The following ALDH2 variants were observed in gnomAD, a reference collection of about 807,000 sequenced individuals.
ALDH2 encodes the protein aldehyde dehydrogenase, mitochondrial.
In ALDH2, 44 loss-of-function variants were observed where a neutral mutation model predicts 59.6. The ratio of observed to expected loss-of-function variants is 0.74; its 90% CI spans 0.58 to 0.95. The LOEUF is 0.95. Ranked by LOEUF, ALDH2 falls within the 40% of genes least tolerant of loss-of-function variation. The pLI, the probability that ALDH2 is intolerant of heterozygous loss-of-function variation, is 0.00. For missense variants in ALDH2, 570 were observed against 696.3 expected, an observed-to-expected ratio of 0.82 and a Z score of 2.04; for synonymous variants, 291 against 284.0, an observed-to-expected ratio of 1.02 and a Z score of -0.25.
intron 1 of ALDH2, among the ~76,000 whole-genome samples, chr12:111,772,109 C>T (rs1406025988): frequency 2.0e-5 from 3 of 151,726 alleles, no homozygotes; most frequent in East Asian, 1.9e-4. Flanking sequence ...AAAAAAAACT[C>T]CCCAAAAAAC....
chr12:111,811,432 C>T lies in ALDH2; in HGVS notation c.*1857C>T, dbSNP rs945454672. The T allele has an allele frequency of 6.6e-6, 1 of 151,978 alleles. No homozygotes were observed. Among genetic ancestry groups the T allele is most frequent in the Non-Finnish European group, 1.5e-5 (1 of 68,004 alleles). The allele number at this position is 151,978 out of a possible 1,614,324, so 9.4% of individuals were successfully genotyped here. ...GCAGTCTCTACCATCATGTGAAACACCACTCTGTGATTTGAGTCTTGACAA... is the reference window on the plus strand; with the variant it reads ...GCAGTCTCTACCATCATGTGAAACATCACTCTGTGATTTGAGTCTTGACAA... On this transcript the variant is annotated 3_prime_UTR_variant, in exon 13 of 13. Coordinates refer to ENST00000261733, the MANE Select transcript of ALDH2 (RefSeq NM_000690.4).
chr12:111,805,750 C>T (rs538327449), intron 12 of ALDH2, among the ~76,000 whole-genome samples: 4 of 152,264 alleles, frequency 2.6e-5, no homozygotes, highest in South Asian at 2.1e-4. Flanking sequence ...AATGGCCGGG[C>T]GCGGTGGCTC....
rs562200783 is a variant in ALDH2, at chr12:111,812,288, T to C, written c.*2713T>C. The stretch of plus-strand genomic sequence containing the variant: ...GATAACTAATGATTAATGATATTCA[T>C]ATATAATCATGTCTGTGATCTAGAT... On this transcript the variant is annotated 3_prime_UTR_variant, in exon 13 of 13. Transcript: ENST00000261733. 1.3e-5 allele frequency: 2 copies of C among 152,338 alleles called. No individual in the cohort carries two copies. The highest frequency in any genetic ancestry group is 3.9e-4 in the East Asian group (2 of 5,178). 9.4% of individuals were successfully genotyped at this position (152,338 alleles called of 1,614,324 possible).
rs777079274 is a variant in ALDH2 at position 111,799,912 on chromosome 12, G to A, written c.1255G>A (p.Gly419Arg). 8.7e-6 allele frequency: 14 copies of A among 1,613,260 alleles called. No individual in the cohort carries two copies. Among genetic ancestry groups the A allele is most frequent in the East Asian group, 2.2e-5 (1 of 44,890 alleles). ...CGCTGCTCTCTCACTCCAGATCTTC[G>A]GGCCAGTGATGCAGATCCTGAAGTT... is the stretch of plus-strand genomic sequence containing the variant. ...GMTIAKEEIF[G>R]PVMQILKFKT... The change falls in exon 11 of 13, where the codon GGG (glycine) becomes AGG (arginine). Residue 419 changes from glycine to arginine, a missense_variant. Transcript: ENST00000261733.
chr12:111,789,120 C>T (rs2068335657), intron 4 of ALDH2, among the ~76,000 whole-genome samples: 1 of 149,352 alleles, frequency 6.7e-6, no homozygotes, highest in Admixed American at 6.7e-5. Context: ...CAGGTTTAAG[C>T]CATTCTTCTG....
At position 111,767,420 on chromosome 12, in the gene ALDH2, C is replaced by A. The variant is rs116026068; in HGVS notation, c.114+324C>A. On this transcript the variant is annotated intron_variant, in intron 1 of 12. Coordinates refer to ENST00000261733, the MANE Select transcript of ALDH2 (RefSeq NM_000690.4). Reference sequence around the variant, plus strand: ...TTTCGGGTCTCCGCAGGGTCCCCACCCTCACCCACTCAGAAGACGCGACCA... The same window carrying A: ...TTTCGGGTCTCCGCAGGGTCCCCACACTCACCCACTCAGAAGACGCGACCA... Among the ~76,000 whole-genome samples the A allele has an allele frequency of 4.8e-3, 732 of 152,322 alleles. 9 individuals are homozygous for A. Among genetic ancestry groups the A allele is most frequent in the African/African-American group, 0.016 (674 of 41,562 alleles).
intron 11 of ALDH2, among the ~76,000 whole-genome samples, chr12:111,802,268 C>T (rs143578304): frequency 1.2e-3 from 178 of 151,986 alleles, no homozygotes; most frequent in East Asian, 7.0e-3. Flanking sequence ...ACAAATTAGA[C>T]GGGTGTGGTG....
At position 111,813,329 on chromosome 12, in the gene ALDH2, A is replaced by G. The variant is rs1223954840; in HGVS notation, c.*3754A>G. On this transcript the variant is annotated 3_prime_UTR_variant, in exon 13 of 13. Coordinates refer to ENST00000261733, the MANE Select transcript of ALDH2 (RefSeq NM_000690.4). ...GTGGGCGCCACCTTGTGGGACATACATTGAACTACGACGCTATTTCTCCAA... is the reference window on the plus strand; with the variant it reads ...GTGGGCGCCACCTTGTGGGACATACGTTGAACTACGACGCTATTTCTCCAA... The G allele has an allele frequency of 2.6e-5, 4 of 152,188 alleles. No homozygotes were observed. Among genetic ancestry groups the G allele is most frequent in the African/African-American group, 4.8e-5 (2 of 41,424 alleles). The allele number at this position is 152,188 out of a possible 1,614,324, so 9.4% of individuals were successfully genotyped here.
chr12:111,788,441 A>T (rs1448631704), intron 4 of ALDH2, among the ~76,000 whole-genome samples: 1 of 152,214 alleles, frequency 6.6e-6, no homozygotes, highest in Non-Finnish European at 1.5e-5. Context: ...CCAGCCCCAG[A>T]TGTCAGCAGT....
rs1317236307 is a variant in ALDH2 at position 111,817,457 on chromosome 12, T to C, written c.*7882T>C. ...ATAACTGGCAAGATTTACAGGTCAA[T>C]TGGATATTGTTTACCTGGAGCTGGT... is the stretch of plus-strand genomic sequence containing the variant. On this transcript the variant is annotated 3_prime_UTR_variant, in exon 13 of 13. Transcript: ENST00000261733. 1 of 152,206 alleles carries C rather than the reference T, an allele frequency of 6.6e-6. No homozygotes were observed. Among genetic ancestry groups the C allele is most frequent in the Admixed American group, 6.5e-5 (1 of 15,284 alleles). The allele number at this position is 152,206 out of a possible 1,614,324, so 9.4% of individuals were successfully genotyped here. A position where few individuals can be genotyped will look rare whatever the true frequency, so the allele number is the denominator to read the frequency against.
chr12:111,776,597 C>CA (rs2068236998), intron 1 of ALDH2, among the ~76,000 whole-genome samples: 1 of 151,154 alleles, frequency 6.6e-6, no homozygotes. Context: ...CCCATCTCTA[C>CA]AAAAAATACA....
Position 111,791,408 on chromosome 12 carries a change from G to T in ALDH2, c.784G>T (p.Gly262Cys). The T allele has an allele frequency of 6.2e-7, 1 of 1,613,078 alleles. No homozygotes were observed. The highest frequency in any genetic ancestry group is 8.5e-7 in the Non-Finnish European group (1 of 1,179,396). The change falls in exon 7 of 13, where the codon GGC (glycine) becomes TGC (cysteine). Residue 262 changes from glycine (G) to cysteine (C), a missense_variant. By Grantham distance (159) the Gly-to-Cys change is radical (BLOSUM62 -3). Transcript: ENST00000261733. ...HEDVDKVAFTGSTEIGRVIQV... is the reference protein window; with the variant it reads ...HEDVDKVAFTCSTEIGRVIQV... ...GGATGTGGACAAAGTGGCATTCACA[G>T]GCTCCACTGAGGTAAGGTGACCCTG...
At chr12:111,781,896 A>T (rs1194962255) in intron 1 of ALDH2, 22 bp from the exon 2 acceptor site, 1 of 1,592,036 alleles carries the variant, frequency 6.3e-7, no homozygotes, top group Non-Finnish European at 8.6e-7. Flanking sequence ...GGTCCTGAGA[A>T]CTTCTTTCCT....
rs1454209550 is a variant in ALDH2, at chr12:111,813,122, A to G, written c.*3547A>G. 1 of 152,252 alleles carries G rather than the reference A, an allele frequency of 6.6e-6. No homozygotes were observed. Among genetic ancestry groups the G allele is most frequent in the Non-Finnish European group, 1.5e-5 (1 of 68,054 alleles). 9.4% of individuals were successfully genotyped at this position (152,252 alleles called of 1,614,324 possible). ...ACAGGAACCCATTAGAACCTTAAGC[A>G]GCTGTCTGAAGTAAAAACAAAGCTC... On this transcript the variant is annotated 3_prime_UTR_variant, in exon 13 of 13. Coordinates refer to ENST00000261733, the MANE Select transcript of ALDH2 (RefSeq NM_000690.4).
chr12:111,793,154 A>G (rs1028601232), intron 9 of ALDH2, among the ~76,000 whole-genome samples: 2 of 152,168 alleles, frequency 1.3e-5, no homozygotes, highest in African/African-American at 4.8e-5. Context: ...GAGCCATGGT[A>G]TGGCTAGTAT....
intron 8 of ALDH2, 84 bp downstream of exon 8, chr12:111,792,247 C>T (rs1009232330): frequency 1.8e-6 from 2 of 1,084,032 alleles, no homozygotes; most frequent in Non-Finnish European, 2.7e-6. Flanking sequence ...TGTCGCCCCC[C>T]CAGTGCCCAA....
At chr12:111,792,023 G>T in intron 7 of ALDH2, 38 bp from the exon 8 acceptor site, 1 of 1,353,862 alleles carries the variant, frequency 7.4e-7, no homozygotes, top group South Asian at 1.2e-5. Flanking sequence ...CTTTTCTCCC[G>T]GCACTGAGAG....
intron 11 of ALDH2, among the ~76,000 whole-genome samples, chr12:111,802,589 AAAG>A (rs1403697480): frequency 9.3e-5 from 14 of 149,784 alleles, no homozygotes; most frequent in Middle Eastern, 3.6e-3. Flanking sequence ...CAAAAAAAGA[AAAG>A]AAAAAGGGCA....
At chr12:111,770,162 G>C (rs930807427) in intron 1 of ALDH2, among the ~76,000 whole-genome samples, 4 of 150,954 alleles carry the variant, frequency 2.6e-5, no homozygotes, top group Non-Finnish European at 4.4e-5. Flanking sequence ...AAAAAAATGT[G>C]GGGGGTAAAA....
Sources: gnomAD v4.1 joint callset for allele counts (sites outside exome capture counted in the v4.1 genomes callset) on GRCh38, gnomAD v4.1.1 for gene constraint, MANE v1.5 for transcripts, NCBI Gene and HGNC (gene_info 2026-07-23, HGNC 2026-07-21) for gene names.